The following LARP4B variants were observed in gnomAD, a reference collection of about 807,000 sequenced individuals.
LARP4B encodes the protein La ribonucleoprotein 4B.
In LARP4B, 12 loss-of-function variants were observed where a neutral mutation model predicts 89.8. The observed-to-expected ratio is 0.13, with a 90% CI of 0.09 to 0.22. The LOEUF is 0.22. Among genes scored for constraint, LARP4B ranks in the 10% least tolerant of loss-of-function variants. LARP4B has a pLI of 1.00. For synonymous variants in LARP4B, 367 were observed against 363.3 expected, an observed-to-expected ratio of 1.01 and a Z score of -0.12; for missense variants, 757 against 947.7, an observed-to-expected ratio of 0.80 and a Z score of 2.64.
Position 864,111 on chromosome 10 carries a change from T to C in LARP4B, c.289+12A>G. 6.2e-7 allele frequency: 1 copy of C among 1,614,128 alleles called. No homozygotes were observed. Among genetic ancestry groups the C allele is most frequent in the Non-Finnish European group, 8.5e-7 (1 of 1,179,968 alleles). On this transcript the variant is annotated intron_variant, in intron 4 of 17. Transcript: ENST00000316157. The stretch of plus-strand genomic sequence containing the variant: ...AGCAGGGGGCTGCACACCACGGCCA[T>C]GCTCAACTTACCCTGCGGGCCACGG...
In LARP4B at chr10:812,273, T is replaced by G. The variant is rs1831770525; in HGVS notation, c.*653A>C. The G allele has an allele frequency of 6.5e-6, 1 of 152,706 alleles. No individual in the cohort carries two copies. Among genetic ancestry groups the G allele is most frequent in the Non-Finnish European group, 1.5e-5 (1 of 68,050 alleles). 9.5% of individuals were successfully genotyped at this position (152,706 alleles called of 1,614,324 possible). On this transcript the variant is annotated 3_prime_UTR_variant, in exon 18 of 18. Coordinates refer to ENST00000316157, the MANE Select transcript of LARP4B (RefSeq NM_015155.3). ...AAACTGGAGTGAGAAGCTGGTTACTTGCTTGCAGTGCATCAGAACCAAGGT... is the reference window on the plus strand; with the variant it reads ...AAACTGGAGTGAGAAGCTGGTTACTGGCTTGCAGTGCATCAGAACCAAGGT...
At chr10:837,862 C>T (rs1215536053) in intron 7 of LARP4B, among the ~76,000 whole-genome samples, 8 of 152,020 alleles carry the variant, frequency 5.3e-5, no homozygotes. Context: ...AAAGCAAGAT[C>T]TGTAACACGA....
intron 8 of LARP4B, among the ~76,000 whole-genome samples, chr10:833,270 A>C (rs1044204953): frequency 1.7e-4 from 25 of 149,254 alleles, no homozygotes; most frequent in Non-Finnish European, 2.8e-4. Context: ...AAAAAAAAAA[A>C]AAAAAAAAAA....
chr10:817,790 A>G lies in LARP4B; in HGVS notation c.1630T>C (p.Leu544=). The G allele has an allele frequency of 6.2e-7, 1 of 1,614,214 alleles. No individual in the cohort carries two copies. Among genetic ancestry groups the G allele is most frequent in the South Asian group, 1.1e-5 (1 of 91,082 alleles). ...FPPLPGAAGN[L]KTEDLFENRL... is the part of the protein sequence containing the mutation. ...TTTTCAAACAAGTCCTCTGTCTTCA[A>G]ATTGCCGGCAGCTCCAGGTAATGGA... Residue 544 remains leucine, a synonymous_variant, in exon 15 of 18, where the codon TTG becomes CTG. Coordinates refer to ENST00000316157, the MANE Select transcript of LARP4B (RefSeq NM_015155.3).
At chr10:988,298 G>C in the LARP4B span, 4 of 599,042 alleles carry the variant, frequency 6.7e-6, no homozygotes, top group South Asian at 5.8e-5. Flanking sequence ...GCCCTCCGTG[G>C]CTGACCTCCA....
chr10:814,472 G>A lies in LARP4B; in HGVS notation c.1929+270C>T. Reference sequence around the variant, plus strand: ...TAAAGTCTATGGAGAAACAGGAGCTGGGGTCTTGTTACTACTCAAGAAACC... The same window carrying A: ...TAAAGTCTATGGAGAAACAGGAGCTAGGGTCTTGTTACTACTCAAGAAACC... On this transcript the variant is annotated intron_variant, in intron 17 of 17. Coordinates refer to ENST00000316157, the MANE Select transcript of LARP4B (RefSeq NM_015155.3). The surrounding 1 kb of genome is among the most constrained non-coding windows in gnomAD (Gnocchi z 4.4). The A allele has an allele frequency of 1.9e-6, 1 of 536,894 alleles. No homozygotes were observed. Among genetic ancestry groups the A allele is most frequent in the Non-Finnish European group, 3.4e-6 (1 of 298,028 alleles). The allele number at this position is 536,894 out of a possible 1,614,324, so 33.3% of individuals were successfully genotyped here. A position where few individuals can be genotyped will look rare whatever the true frequency, so the allele number is the denominator to read the frequency against.
chr10:818,639 A>C (rs1480504355), intron 14 of LARP4B: 1 of 152,256 alleles, frequency 6.6e-6, no homozygotes, highest in Admixed American at 6.5e-5. Context: ...CGCTTTAACA[A>C]GCTGGCAGTC....
intron 5 of LARP4B, among the ~76,000 whole-genome samples, chr10:849,998 A>G (rs1833961739): frequency 6.6e-6 from 1 of 152,268 alleles, no homozygotes. Context: ...TTCTCAGCTG[A>G]GATCCCGCAA....
At chr10:862,305 A>T (rs898937136) in intron 5 of LARP4B, among the ~76,000 whole-genome samples, 5 of 149,632 alleles carry the variant, frequency 3.3e-5, no homozygotes, top group Non-Finnish European at 7.4e-5. Flanking sequence ...ACATCTACAC[A>T]TTTTCCCTCT....
chr10:828,894 G>C (rs1832754750), intron 11 of LARP4B, among the ~76,000 whole-genome samples: 2 of 152,184 alleles, frequency 1.3e-5, no homozygotes, highest in South Asian at 4.1e-4. Flanking sequence ...TCTAGATCCA[G>C]TACAGACTTA....
intron 7 of LARP4B, 52 bp from the exon 8 acceptor site, chr10:836,558 T>C (rs1204649805): frequency 1.7e-6 from 2 of 1,168,768 alleles, no homozygotes; most frequent in Admixed American, 1.7e-5. Flanking sequence ...AAATATGATA[T>C]GCCAGTGGAA....
chr10:888,632 T>C (rs150567101), intron 1 of LARP4B, among the ~76,000 whole-genome samples: 13 of 152,216 alleles, frequency 8.5e-5, no homozygotes, highest in African/African-American at 2.9e-4. Context: ...ATATTTAAAA[T>C]GGCAATAAAT....
the LARP4B span, among the ~76,000 whole-genome samples, chr10:980,914 A>G: frequency 1.3e-5 from 2 of 152,222 alleles, no homozygotes; most frequent in Admixed American, 1.3e-4. Context: ...CAGATTTTCC[A>G]AAGTTTTATA....
chr10:971,974 G>A, the LARP4B span: 78,491 of 155,870 alleles, frequency 0.5, 20,112 homozygotes, highest in East Asian at 0.61. Flanking sequence ...GAGTGGATTC[G>A]TTGTCGAGGG....
intron 3 of LARP4B, among the ~76,000 whole-genome samples, chr10:865,319 G>A (rs1425815703): frequency 1.3e-5 from 2 of 152,156 alleles, no homozygotes; most frequent in African/African-American, 4.8e-5. Context: ...CATGATGCCT[G>A]GCACATACCA....
intron 3 of LARP4B, among the ~76,000 whole-genome samples, chr10:880,609 C>A (rs1835632162): frequency 6.6e-6 from 1 of 152,044 alleles, no homozygotes; most frequent in Non-Finnish European, 1.5e-5. Context: ...TAGCTTGAAC[C>A]CGGGAGGCAG....
At chr10:827,347 G>A (rs1379723489) in intron 11 of LARP4B, among the ~76,000 whole-genome samples, 1 of 152,146 alleles carries the variant, frequency 6.6e-6, no homozygotes, top group Non-Finnish European at 1.5e-5. Context: ...TAAATCATGG[G>A]CAGAGCAATG....
chr10:836,280 T>C, intron 8 of LARP4B, 123 bp downstream of exon 8: 2 of 638,776 alleles, frequency 3.1e-6, no homozygotes, highest in Admixed American at 2.8e-5. Context: ...GAAAACAGTG[T>C]TAATGTAAGT....
In LARP4B at chr10:846,556, G is replaced by C. The variant is rs140335124; in HGVS notation, c.431-1501C>G. Among the ~76,000 whole-genome samples, 3 of 152,342 alleles carry C rather than the reference G, an allele frequency of 2.0e-5. No homozygotes were observed. In the East Asian group the frequency reaches 5.8e-4, roughly 29 times the overall value. On this transcript the variant is annotated intron_variant, in intron 5 of 17. Transcript: ENST00000316157. Reference sequence around the variant, plus strand: ...TAGGAGGCCAGCACAGCTGAGAAGAGGGGTGACAGACACAGTAAGAAATGA... The same window carrying C: ...TAGGAGGCCAGCACAGCTGAGAAGACGGGTGACAGACACAGTAAGAAATGA...
Sources: allele counts gnomAD v4.1 joint callset (sites outside exome capture counted in the v4.1 genomes callset), GRCh38; gene constraint gnomAD v4.1.1; non-coding constraint Gnocchi (gnomAD v3.1); transcripts MANE v1.5; gene names NCBI Gene and HGNC (gene_info 2026-07-23, HGNC 2026-07-21).